ABCA9: variants seen among roughly 807,000 people sequenced by gnomAD.
ABCA9 encodes ATP-binding cassette sub-family A member 9.
Under a neutral mutation model 205.3 loss-of-function variants are expected in ABCA9, and 183 were observed. The ratio of observed to expected loss-of-function variants is 0.89; its 90% CI spans 0.79 to 1.01. The LOEUF is 1.01. Ranked by LOEUF, ABCA9 falls within the 50% of genes least tolerant of loss-of-function variation. The probability of loss-of-function intolerance (pLI) is 0.00; values close to 1 mark genes in which losing one functional copy is unlikely to be tolerated. For synonymous variants in ABCA9, 651 were observed against 683.3 expected, an observed-to-expected ratio of 0.95 and a Z score of 0.74; for missense variants, 1,805 against 1,912.4, an observed-to-expected ratio of 0.94 and a Z score of 1.05.
intron 10 of ABCA9, 146 bp from the exon 11 acceptor site, chr17:69,029,373 T>G (rs1331613220): frequency 3.7e-6 from 2 of 537,962 alleles, no homozygotes; most frequent in African/African-American, 3.9e-5. Context: ...GGGATTATTT[T>G]CTTTCACACA....
upstream of ABCA9, among the ~76,000 whole-genome samples, chr17:69,062,254 C>T (rs533680291): frequency 4.1e-4 from 62 of 152,022 alleles, no homozygotes; most frequent in South Asian, 1.0e-2. Context: ...TTAATAACAT[C>T]GCCAACATTT....
intron 5 of ABCA9, 88 bp from the exon 6 acceptor site, chr17:69,043,803 A>G (rs2071626652): frequency 1.8e-6 from 2 of 1,110,668 alleles, no homozygotes; most frequent in Non-Finnish European, 2.6e-6. Flanking sequence ...AATCACGTAC[A>G]TTCTACATTT....
intron 1 of ABCA9, among the ~76,000 whole-genome samples, chr17:69,056,694 G>A (rs1193737390): frequency 3.3e-5 from 5 of 152,188 alleles, no homozygotes; most frequent in East Asian, 3.9e-4. Flanking sequence ...TCAACTCCTC[G>A]TCCTTCATCC....
chr17:69,005,619 G>A (rs2070100074), intron 25 of ABCA9, among the ~76,000 whole-genome samples: 1 of 152,166 alleles, frequency 6.6e-6, no homozygotes. Context: ...TTCGTTCCTT[G>A]GCCACCACAT....
chr17:68,993,966 C>G (rs2069536451), intron 26 of ABCA9, among the ~76,000 whole-genome samples: 1 of 152,146 alleles, frequency 6.6e-6, no homozygotes, highest in African/African-American at 2.4e-5. Flanking sequence ...ACCTCTGCCT[C>G]CTGGGTTCAA....
intron 37 of ABCA9, among the ~76,000 whole-genome samples, chr17:68,978,903 T>G (rs1211633785): frequency 6.6e-6 from 1 of 151,904 alleles, no homozygotes; most frequent in Admixed American, 6.6e-5. Flanking sequence ...CTCTCACCAC[T>G]CCTATTCAAC....
chr17:69,026,463 C>T lies in ABCA9; in HGVS notation c.2055G>A (p.Arg685=), dbSNP rs1403106687. 1.7e-5 allele frequency: 27 copies of T among 1,612,162 alleles called. 1 individual carries two copies. The highest frequency in any genetic ancestry group is 2.2e-5 in the Non-Finnish European group (26 of 1,178,640). The change falls in exon 16 of 39, where the codon AGG becomes AGA. Residue 685 remains arginine, a synonymous_variant. Coordinates refer to ENST00000340001, the MANE Select transcript of ABCA9 (RefSeq NM_080283.4). ...GCTTCCCATTGGATATGAACACCTT[C>T]CTGTCTAGTTAGAAATAATCAAAAG... The part of the protein sequence containing the change: ...FIDEADILAD[R]KVFISNGKLK...
At position 68,993,231 on chromosome 17, in the gene ABCA9, C is replaced by T. The variant is rs185589807; in HGVS notation, c.3556-147G>A. On this transcript the variant is annotated intron_variant, in intron 26 of 38. Transcript: ENST00000340001. ...TTGGGTATCATGTAAAAGTTAATTT[C>T]GGACTGTGCAGTATGTCTTCTTTGC... 7.0e-4 allele frequency: 459 copies of T among 655,020 alleles called. 3 individuals carry two copies. The African/African-American group carries it at 7.4e-3, about 11-fold the overall frequency. 40.6% of individuals were successfully genotyped at this position (655,020 alleles called of 1,614,324 possible). A position where few individuals can be genotyped will look rare whatever the true frequency, so the allele number is the denominator to read the frequency against.
Position 69,043,474 on chromosome 17 carries a change from A to T in ABCA9, c.800+15T>A. Reference sequence around the variant, plus strand: ...TTGTTTATGCTGTATAATGGATTGGAGTCATATGATTTACCAGAATGCTGA... The same window carrying T: ...TTGTTTATGCTGTATAATGGATTGGTGTCATATGATTTACCAGAATGCTGA... On this transcript the variant is annotated intron_variant, in intron 6 of 38. Transcript: ENST00000340001. 3 of 1,543,114 alleles carry T rather than the reference A, an allele frequency of 1.9e-6. No individual in the cohort carries two copies. The highest frequency in any genetic ancestry group is 2.6e-6 in the Non-Finnish European group (3 of 1,136,388).
chr17:69,011,547 A>AACTC (rs1345804916), intron 23 of ABCA9, among the ~76,000 whole-genome samples: 2 of 152,116 alleles, frequency 1.3e-5, no homozygotes, highest in Non-Finnish European at 2.9e-5. Flanking sequence ...ATTTTTTAAA[A>AACTC]ACTCACAAAA....
intron 25 of ABCA9, among the ~76,000 whole-genome samples, chr17:69,004,531 C>A (rs1490319233): frequency 2.0e-5 from 3 of 152,244 alleles, no homozygotes; most frequent in African/African-American, 7.2e-5. Flanking sequence ...CAGACAGGGA[C>A]ATTTAAGTCT....
intron 10 of ABCA9, among the ~76,000 whole-genome samples, chr17:69,030,707 CAAT>C (rs1421032074): frequency 6.6e-6 from 1 of 152,084 alleles, no homozygotes; most frequent in African/African-American, 2.4e-5. Context: ...CTTTTTAAAA[CAAT>C]AATAGGTATC....
chr17:69,046,875 CTATATATA>C (rs71144650), intron 3 of ABCA9, among the ~76,000 whole-genome samples: 2,782 of 127,696 alleles, frequency 0.022, 104 homozygotes, highest in African/African-American at 0.065. Flanking sequence ...CGATTTTATA[CTATATATA>C]TATATATATA....
At chr17:68,989,995 C>G (rs2069391658) in intron 29 of ABCA9, 65 bp from the exon 30 acceptor site, 2 of 1,100,442 alleles carry the variant, frequency 1.8e-6, no homozygotes, top group Non-Finnish European at 2.7e-6. Flanking sequence ...GTGTTCCACA[C>G]TCTTGTCACC....
Position 68,996,128 on chromosome 17 carries a change from C to T in ABCA9, c.3436-114G>A, listed in dbSNP as rs959857124. 4.6e-6 allele frequency: 5 copies of T among 1,076,574 alleles called. No individual in the cohort carries two copies. The African/African-American group carries it at 7.9e-5, about 17-fold the overall frequency. The allele number at this position is 1,076,574 out of a possible 1,614,324, so 66.7% of individuals were successfully genotyped here. ...CGTTGTTATTTTCAATTTCACTCCCCAAACCAGTATTTATATCATTTCTTT... is the reference window on the plus strand; with the variant it reads ...CGTTGTTATTTTCAATTTCACTCCCTAAACCAGTATTTATATCATTTCTTT... On this transcript the variant is annotated intron_variant, in intron 25 of 38. Coordinates refer to ENST00000340001, the MANE Select transcript of ABCA9 (RefSeq NM_080283.4).
At chr17:69,043,395 G>T in intron 6 of ABCA9, 94 bp downstream of exon 6, 3 of 974,500 alleles carry the variant, frequency 3.1e-6, no homozygotes, top group Non-Finnish European at 3.0e-6. Flanking sequence ...GCAGTCTGTG[G>T]CCTGGGGCTT....
At chr17:69,055,685 C>T (rs924538497) in intron 1 of ABCA9, among the ~76,000 whole-genome samples, 1 of 152,116 alleles carries the variant, frequency 6.6e-6, no homozygotes, top group Non-Finnish European at 1.5e-5. Flanking sequence ...TTTCTACACA[C>T]GATTTCACTC....
chr17:68,986,081 A>G, intron 32 of ABCA9, 83 bp downstream of exon 32: 2 of 1,404,022 alleles, frequency 1.4e-6, no homozygotes, highest in Admixed American at 2.3e-5. Context: ...CATCAATTAC[A>G]ACCTCCCTGT....
At position 69,060,890 on chromosome 17, in the gene ABCA9, C is replaced by T. The variant is rs1312703860; in HGVS notation, c.-38G>A. On this transcript the variant is annotated 5_prime_UTR_variant, in exon 1 of 39. It removes the in-frame stop codon of an upstream open reading frame in the 5' UTR. Coordinates refer to ENST00000340001, the MANE Select transcript of ABCA9 (RefSeq NM_080283.4). ...CTCTCAGGAAAGCTGGAGGAAAAAT[C>T]TAGAAACACAGTTCATCCATGGGTC... 2 of 985,302 alleles carry T rather than the reference C, an allele frequency of 2.0e-6. No individual in the cohort carries two copies. Among genetic ancestry groups the T allele is most frequent in the Non-Finnish European group, 2.4e-6 (2 of 829,928 alleles). 61.0% of individuals were successfully genotyped at this position (985,302 alleles called of 1,614,324 possible).
Sources: allele counts gnomAD v4.1 joint callset (sites outside exome capture counted in the v4.1 genomes callset), GRCh38; gene constraint gnomAD v4.1.1; transcripts MANE v1.5; gene names NCBI Gene and HGNC (gene_info 2026-07-23, HGNC 2026-07-21).